The following ANKRD13B variants were observed in gnomAD, a reference collection of about 807,000 sequenced individuals.
The protein encoded by ANKRD13B is ankyrin repeat domain-containing protein 13B.
ANKRD13B carries 33 observed loss-of-function variants against 74.4 expected under a neutral mutation model. The ratio of observed to expected loss-of-function variants is 0.44; its 90% confidence interval spans 0.34 to 0.59. The LOEUF is 0.59. ANKRD13B is among the 20% of genes least tolerant of loss of function. ANKRD13B has a pLI of 0.02. For synonymous variants in ANKRD13B, 341 were observed against 362.9 expected, an observed-to-expected ratio of 0.94 and a Z score of 0.68; for missense variants, 676 against 877.9, an observed-to-expected ratio of 0.77 and a Z score of 2.91.
Position 29,612,629 on chromosome 17 carries a change from T to G in ANKRD13B, c.1412-23T>G, listed in dbSNP as rs1161494155. On this transcript the variant is annotated intron_variant, in intron 12 of 14. Transcript: ENST00000394859. This position sits in a 1 kb window ranked among gnomAD's most constrained non-coding sequence, Gnocchi z 6.1. ...TGGGAGGGGCGCGCCCGGCCGTGCCTGACCCAGCCCCCGCGCCCCCAGCCT... is the reference window on the plus strand; with the variant it reads ...TGGGAGGGGCGCGCCCGGCCGTGCCGGACCCAGCCCCCGCGCCCCCAGCCT... The G allele has an allele frequency of 6.5e-7, 1 of 1,527,768 alleles. No individual in the cohort carries two copies. The highest frequency in any genetic ancestry group is 8.8e-7 in the Non-Finnish European group (1 of 1,141,368). 94.6% of individuals were successfully genotyped at this position (1,527,768 alleles called of 1,614,324 possible). A position where few individuals can be genotyped will look rare whatever the true frequency, so the allele number is the denominator to read the frequency against.
At chr17:29,602,238 AC>A (rs1291863338) in intron 1 of ANKRD13B, among the ~76,000 whole-genome samples, 1 of 152,126 alleles carries the variant, frequency 6.6e-6, no homozygotes, top group African/African-American at 2.4e-5. Flanking sequence ...TACTAAAAAT[AC>A]AAAAAATTAG....
At chr17:29,602,181 G>GA (rs1274433303) in intron 1 of ANKRD13B, among the ~76,000 whole-genome samples, 9 of 151,974 alleles carry the variant, frequency 5.9e-5, no homozygotes, top group Non-Finnish European at 1.0e-4. Flanking sequence ...GGATCACGAG[G>GA]TCAGGAGATC....
intron 8 of ANKRD13B, 74 bp downstream of exon 8, chr17:29,610,840 C>T (rs556338630): frequency 3.4e-5 from 48 of 1,421,064 alleles, no homozygotes; most frequent in Non-Finnish European, 4.5e-5. Context: ...GTGCTTCCAT[C>T]AGTATTCCCA....
intron 14 of ANKRD13B, 182 bp from the exon 15 acceptor site, chr17:29,613,172 G>C: frequency 5.9e-6 from 7 of 1,191,682 alleles, no homozygotes; most frequent in Non-Finnish European, 8.0e-6. Flanking sequence ...GGCATTGACG[G>C]GGAGAACTTG....
chr17:29,599,981 A>G (rs1310712825), intron 1 of ANKRD13B, among the ~76,000 whole-genome samples: 1 of 137,830 alleles, frequency 7.3e-6, no homozygotes, highest in African/African-American at 2.8e-5. Context: ...GGTTCACACC[A>G]TTCTCCTGCC....
At chr17:29,599,386 C>CA (rs11447635) in intron 1 of ANKRD13B, 89,793 of 151,604 alleles carry the variant, frequency 0.59, 27,437 homozygotes, top group African/African-American at 0.72. Flanking sequence ...GCCTGGCAAC[C>CA]GGGGAGCAGC....
At chr17:29,613,160 C>T in intron 14 of ANKRD13B, 194 bp from the exon 15 acceptor site, 1 of 1,157,876 alleles carries the variant, frequency 8.6e-7, no homozygotes, top group South Asian at 1.6e-5. Context: ...AGACTCTCCC[C>T]AGGCATTGAC....
Position 29,608,595 on chromosome 17 carries a change from T to A in ANKRD13B, c.422-256T>A. On this transcript the variant is annotated intron_variant, in intron 4 of 14. Transcript: ENST00000394859. This position sits in a 1 kb window ranked among gnomAD's most constrained non-coding sequence, Gnocchi z 6.4. ...TTTGTTGAAAGAATGGATGAAAGAG[T>A]GAGTGAGTGAATTAACAAATGATGG... 1 of 573,030 alleles carries A rather than the reference T, an allele frequency of 1.7e-6. No homozygotes were observed. Among genetic ancestry groups the A allele is most frequent in the Non-Finnish European group, 3.1e-6 (1 of 326,188 alleles). 35.5% of individuals were successfully genotyped at this position (573,030 alleles called of 1,614,324 possible). A position where few individuals can be genotyped will look rare whatever the true frequency, so the allele number is the denominator to read the frequency against.
In ANKRD13B at chr17:29,593,752, G is replaced by C; in HGVS notation, c.114+17G>C. On this transcript the variant is annotated intron_variant, in intron 1 of 14. Transcript: ENST00000394859. ...GCGGGCCAGGTAGGAGCGCCTTCGG[G>C]GCGCCGCGGGGACCCCGCGGCCGGG... The C allele has an allele frequency of 7.3e-7, 1 of 1,363,430 alleles. No individual in the cohort carries two copies. The highest frequency in any genetic ancestry group is 9.5e-7 in the Non-Finnish European group (1 of 1,048,740). The allele number at this position is 1,363,430 out of a possible 1,614,324, so 84.5% of individuals were successfully genotyped here. A position where few individuals can be genotyped will look rare whatever the true frequency, so the allele number is the denominator to read the frequency against.
At chr17:29,598,808 C>T (rs1337893861) in intron 1 of ANKRD13B, among the ~76,000 whole-genome samples, 2 of 152,164 alleles carry the variant, frequency 1.3e-5, no homozygotes, top group Admixed American at 6.5e-5. Context: ...ACTTTGGCCT[C>T]CCAAAGTGCT....
Position 29,593,706 on chromosome 17 carries a change from G to T in ANKRD13B, c.85G>T (p.Glu29Ter). ...CCTCGTGTGGCACAACCGCCACCGC[G>T]AGCTGGAGAAGGAGGTCCGCGCGGG... ...HYLVWHNRHR[E>*]LEKEVRAGQV... The change falls in exon 1 of 15, where the codon GAG (glutamate) becomes TAG (stop). Residue 29 changes from glutamate (E) to a stop codon, truncating the protein, a stop_gained. Coordinates refer to ENST00000394859, the MANE Select transcript of ANKRD13B (RefSeq NM_152345.5). LOFTEE classifies it high-confidence loss of function. The T allele has an allele frequency of 1.4e-6, 2 of 1,438,540 alleles. No homozygotes were observed. The highest frequency in any genetic ancestry group is 1.8e-6 in the Non-Finnish European group (2 of 1,086,462). 89.1% of individuals were successfully genotyped at this position (1,438,540 alleles called of 1,614,324 possible).
chr17:29,595,199 A>G (rs2033912906), intron 1 of ANKRD13B, among the ~76,000 whole-genome samples: 1 of 152,236 alleles, frequency 6.6e-6, no homozygotes, highest in Non-Finnish European at 1.5e-5. Flanking sequence ...ATGAACAAAC[A>G]GGGCATCAAC....
Position 29,609,398 on chromosome 17 carries a change from A to T in ANKRD13B, c.799A>T (p.Met267Leu). The T allele has an allele frequency of 6.2e-7, 1 of 1,613,410 alleles. No homozygotes were observed. The highest frequency in any genetic ancestry group is 8.5e-7 in the Non-Finnish European group (1 of 1,180,014). The change falls in exon 7 of 15, where the codon ATG becomes TTG. Residue 267 changes from methionine (M) to leucine (L), a missense_variant. Met to Leu is a conservative substitution (Grantham distance 15). Transcript: ENST00000394859. This position sits in a 1 kb window ranked among gnomAD's most constrained non-coding sequence, Gnocchi z 4.0. ...GGGCTGGCGCAGTGAAAAGACGGAG[A>T]TGGTGAATGGGTATGAAGCTAAGGT... ...ILGWRSEKTEMVNGYEAKVYG... is the reference protein window; with the variant it reads ...ILGWRSEKTELVNGYEAKVYG...
intron 1 of ANKRD13B, among the ~76,000 whole-genome samples, chr17:29,599,187 T>C (rs923686608): frequency 6.6e-6 from 1 of 152,142 alleles, no homozygotes; most frequent in Non-Finnish European, 1.5e-5. Context: ...TGGAGGATCC[T>C]GGAGAACGTT....
At position 29,613,736 on chromosome 17, in the gene ANKRD13B, G is replaced by T. The variant is rs2034698492; in HGVS notation, c.*154G>T. Reference sequence around the variant, plus strand: ...GCACAGCAGGCACGGTTCGGGGAGGGATTCGGCATGGCCGCGGGGTACCTT... The same window carrying T: ...GCACAGCAGGCACGGTTCGGGGAGGTATTCGGCATGGCCGCGGGGTACCTT... On this transcript the variant is annotated 3_prime_UTR_variant, in exon 15 of 15. Coordinates refer to ENST00000394859, the MANE Select transcript of ANKRD13B (RefSeq NM_152345.5). 2.4e-6 allele frequency: 3 copies of T among 1,241,014 alleles called. No homozygotes were observed. The highest frequency in any genetic ancestry group is 3.6e-5 in the South Asian group (2 of 54,890). 76.9% of individuals were successfully genotyped at this position (1,241,014 alleles called of 1,614,324 possible). A position where few individuals can be genotyped will look rare whatever the true frequency, so the allele number is the denominator to read the frequency against.
In ANKRD13B at chr17:29,612,499, C is replaced by T. The variant is rs755888127; in HGVS notation, c.1356C>T (p.Ser452=). Residue 452 remains serine (S), a synonymous_variant, in exon 12 of 15, where the codon AGC becomes AGT. Coordinates refer to ENST00000394859, the MANE Select transcript of ANKRD13B (RefSeq NM_152345.5). This position sits in a 1 kb window ranked among gnomAD's most constrained non-coding sequence, Gnocchi z 6.1. The stretch of plus-strand genomic sequence containing the variant: ...CATCGGTGCGAGGCAGCCCCAGCAG[C>T]GAGACGCCTTCCCCAGGCAGCGACT... ...PVPSVRGSPS[S]ETPSPGSDSS... The T allele has an allele frequency of 1.3e-6, 2 of 1,584,966 alleles. No individual in the cohort carries two copies. The highest frequency in any genetic ancestry group is 2.3e-5 in the South Asian group (2 of 87,502).
intron 1 of ANKRD13B, among the ~76,000 whole-genome samples, chr17:29,601,000 C>T (rs1240422431): frequency 6.7e-6 from 1 of 149,062 alleles, no homozygotes; most frequent in Non-Finnish European, 1.5e-5. Flanking sequence ...TCTCTGCTCA[C>T]TGCAACCTCT....
At chr17:29,599,878 T>C (rs976147269) in intron 1 of ANKRD13B, among the ~76,000 whole-genome samples, 2 of 126,086 alleles carry the variant, frequency 1.6e-5, no homozygotes, top group Non-Finnish European at 3.3e-5. Flanking sequence ...TTTTTTTTTT[T>C]TTTTTTTTTT....
intron 14 of ANKRD13B, 106 bp downstream of exon 14, chr17:29,613,069 G>T: frequency 7.0e-7 from 1 of 1,426,548 alleles, no homozygotes; most frequent in Non-Finnish European, 9.5e-7. Flanking sequence ...GACCCTCCTG[G>T]TATCGGGATG....
Sources: allele counts gnomAD v4.1 joint callset (sites outside exome capture counted in the v4.1 genomes callset), GRCh38; gene constraint gnomAD v4.1.1; non-coding constraint Gnocchi (gnomAD v3.1); transcripts MANE v1.5; gene names NCBI Gene and HGNC (gene_info 2026-07-23, HGNC 2026-07-21).